The following SLC4A10 variants were observed in gnomAD, a reference collection of about 807,000 sequenced individuals.
The protein encoded by SLC4A10 is solute carrier family 4 member 10.
A neutral mutation model predicts 137.7 loss-of-function variants in SLC4A10; 42 were observed. That is an observed-to-expected ratio of 0.30 (90% CI 0.24 to 0.39). SLC4A10 has a LOEUF of 0.39. SLC4A10 is among the 10% of genes least tolerant of loss of function. The pLI is 1.00. For synonymous variants in SLC4A10, 474 were observed against 464.1 expected, an observed-to-expected ratio of 1.02 and a Z score of -0.27; for missense variants, 925 against 1,355.0, an observed-to-expected ratio of 0.68 and a Z score of 4.98.
intron 25 of SLC4A10, 110 bp from the exon 26 acceptor site, chr2:161,977,612 G>A (rs1320884093): frequency 2.4e-6 from 2 of 844,002 alleles, no homozygotes; most frequent in Non-Finnish European, 3.7e-6. Context: ...TTGTTAGAGA[G>A]TGATTGAGGG....
intron 1 of SLC4A10, among the ~76,000 whole-genome samples, chr2:161,662,479 A>T (rs895539254): frequency 6.6e-6 from 1 of 152,194 alleles, no homozygotes; most frequent in African/African-American, 2.4e-5. Flanking sequence ...TTACAAAAAT[A>T]ATACAACAAT....
intron 1 of SLC4A10, among the ~76,000 whole-genome samples, chr2:161,760,038 T>G (rs1475427296): frequency 6.6e-6 from 1 of 152,016 alleles, no homozygotes; most frequent in Non-Finnish European, 1.5e-5. Context: ...TTCTACTGTT[T>G]CAAATAATGT....
chr2:161,825,883 G>A (rs1453933335), intron 3 of SLC4A10, among the ~76,000 whole-genome samples: 1 of 152,154 alleles, frequency 6.6e-6, no homozygotes, highest in Non-Finnish European at 1.5e-5. Flanking sequence ...CTGTGTGGGT[G>A]AAAAATTAGA....
intron 4 of SLC4A10, among the ~76,000 whole-genome samples, chr2:161,848,663 T>C (rs546710949): frequency 2.6e-5 from 4 of 152,274 alleles, no homozygotes; most frequent in Admixed American, 2.0e-4. Context: ...CTTATTTTTA[T>C]TGGCTTTGTT....
intron 1 of SLC4A10, among the ~76,000 whole-genome samples, chr2:161,688,702 A>G (rs1574356754): frequency 6.6e-6 from 1 of 152,298 alleles, no homozygotes; most frequent in East Asian, 1.9e-4. Flanking sequence ...GTAAATAATA[A>G]CTTCTATTCA....
intron 15 of SLC4A10, among the ~76,000 whole-genome samples, chr2:161,926,100 G>A (rs1256039231): frequency 2.0e-5 from 3 of 152,066 alleles, no homozygotes; most frequent in African/African-American, 7.2e-5. Flanking sequence ...CAATTCCTGG[G>A]TATCCTTGTC....
At chr2:161,957,925 G>T (rs1695953562) in intron 20 of SLC4A10, among the ~76,000 whole-genome samples, 1 of 152,018 alleles carries the variant, frequency 6.6e-6, no homozygotes. Context: ...TAGTTTACTT[G>T]TATTTGATCA....
At chr2:161,775,540 C>A (rs546460057) in intron 2 of SLC4A10, among the ~76,000 whole-genome samples, 9 of 151,956 alleles carry the variant, frequency 5.9e-5, no homozygotes, top group Middle Eastern at 3.4e-3. Context: ...AAGAGAGACA[C>A]ATTTCGGTGT....
intron 16 of SLC4A10, among the ~76,000 whole-genome samples, chr2:161,944,968 A>C (rs1247485983): frequency 6.6e-6 from 1 of 151,056 alleles, no homozygotes; most frequent in South Asian, 2.1e-4. Context: ...GTAATGTTTT[A>C]TTGAGTTGTT....
At chr2:161,920,284 T>G (rs987098020) in intron 15 of SLC4A10, among the ~76,000 whole-genome samples, 48 of 152,242 alleles carry the variant, frequency 3.2e-4, no homozygotes, top group Middle Eastern at 6.8e-3. Context: ...GGGGACCTCA[T>G]GACAGTAATA....
chr2:161,904,980 A>G (rs965275416), intron 14 of SLC4A10, 71 bp downstream of exon 14: 1 of 1,479,410 alleles, frequency 6.8e-7, no homozygotes, highest in Non-Finnish European at 9.2e-7. Flanking sequence ...TTCTCCCAAC[A>G]TCACTTTTGG....
intron 1 of SLC4A10, among the ~76,000 whole-genome samples, chr2:161,674,426 T>C (rs1344822539): frequency 6.6e-6 from 1 of 152,190 alleles, no homozygotes; most frequent in Admixed American, 6.5e-5. Flanking sequence ...ATAGCAGATG[T>C]TTAATAGATG....
At chr2:161,850,167 A>G (rs1575275047) in intron 4 of SLC4A10, among the ~76,000 whole-genome samples, 4 of 152,044 alleles carry the variant, frequency 2.6e-5, no homozygotes, top group African/African-American at 9.7e-5. Flanking sequence ...AGGTGGGTGG[A>G]TCACTTGAGC....
At chr2:161,952,290 C>A (rs1306242053) in intron 19 of SLC4A10, among the ~76,000 whole-genome samples, 2 of 152,148 alleles carry the variant, frequency 1.3e-5, no homozygotes, top group Admixed American at 1.3e-4. Context: ...AATCACATGA[C>A]ACTTGCTCTT....
intron 1 of SLC4A10, among the ~76,000 whole-genome samples, chr2:161,662,828 G>A (rs2038597937): frequency 6.6e-6 from 1 of 152,146 alleles, no homozygotes; most frequent in Non-Finnish European, 1.5e-5. Flanking sequence ...TGCTATATCT[G>A]TATGTCCTAC....
chr2:161,976,646 T>C, intron 24 of SLC4A10, 114 bp from the exon 25 acceptor site: 2 of 511,634 alleles, frequency 3.9e-6, no homozygotes, highest in Non-Finnish European at 6.8e-6. Context: ...ATTTAAAAAT[T>C]GGGAAAAATA....
At chr2:161,751,269 C>G (rs933353906) in intron 1 of SLC4A10, among the ~76,000 whole-genome samples, 1 of 150,040 alleles carries the variant, frequency 6.7e-6, no homozygotes, top group Non-Finnish European at 1.5e-5. Flanking sequence ...GTAGTATTTA[C>G]TGTTGTCCTT....
chr2:161,644,142 T>C (rs914990803), intron 1 of SLC4A10, among the ~76,000 whole-genome samples: 3 of 151,690 alleles, frequency 2.0e-5, no homozygotes, highest in African/African-American at 7.3e-5. Flanking sequence ...GAGTTAAATA[T>C]CTTAAGTGGT....
intron 1 of SLC4A10, among the ~76,000 whole-genome samples, chr2:161,719,345 A>G (rs1016540427): frequency 3.3e-5 from 5 of 152,274 alleles, no homozygotes; most frequent in African/African-American, 1.2e-4. Context: ...GCTATTGTGA[A>G]TAGAGCCACA....
Sources: allele counts gnomAD v4.1 joint callset (sites outside exome capture counted in the v4.1 genomes callset), GRCh38; gene constraint gnomAD v4.1.1; transcripts MANE v1.5; gene names NCBI Gene and HGNC (gene_info 2026-07-23, HGNC 2026-07-21).